Variants in FGF13 observed in about 807,000 individuals in gnomAD.
FGF13 encodes fibroblast growth factor 13.
Under a neutral mutation model 19.5 loss-of-function variants are expected in FGF13, and 2 were observed. That is an observed-to-expected ratio of 0.10 (90% CI 0.04 to 0.32). The LOEUF is 0.32. Ranked by LOEUF, FGF13 falls within the 10% of genes least tolerant of loss-of-function variation. FGF13 has a pLI of 1.00. For synonymous variants in FGF13, 72 were observed against 76.9 expected (o/e 0.94, Z 0.33); for missense variants, 113 against 192.7 (o/e 0.59, Z 2.45).
At position 138,926,922 on chromosome X, in the gene FGF13, C is replaced by G. The variant is rs766135551; in HGVS notation, c.-112-62272G>C. Among the ~76,000 whole-genome samples the G allele has an allele frequency of 5.1e-3, 566 of 111,569 alleles. 2 individuals carry two copies. The highest frequency in any genetic ancestry group is 8.0e-3 in the Non-Finnish European group (425 of 53,116). On this transcript the variant is annotated intron_variant, in intron 1 of 2. Transcript: ENST00000421460. The stretch of plus-strand genomic sequence containing the variant: ...AGTGAGCTGAGATCACGCCACTGCA[C>G]TCCAGCCTGGGCGACAAAGCAAGAC...
chrX:139,151,614 G>A (rs183358261), intron 1 of FGF13, among the ~76,000 whole-genome samples: 6 of 111,153 alleles, frequency 5.4e-5, no homozygotes, highest in Middle Eastern at 4.7e-3. Flanking sequence ...CTTTACTTTC[G>A]CCGGAAAAAG....
intron 3 of FGF13, among the ~76,000 whole-genome samples, chrX:138,645,870 A>G (rs1442189945): frequency 2.7e-5 from 3 of 112,113 alleles, no homozygotes; most frequent in Non-Finnish European, 5.6e-5. Flanking sequence ...TAATACTAGA[A>G]TTACTATAAT....
At chrX:138,891,490 G>A (rs1438774269) in intron 1 of FGF13, among the ~76,000 whole-genome samples, 2 of 110,847 alleles carry the variant, frequency 1.8e-5, no homozygotes, top group Non-Finnish European at 3.8e-5. Context: ...CACCCCTCAT[G>A]AACTCATCTA....
In FGF13 at chrX:139,144,862, A is replaced by G. The variant is rs967360696; in HGVS notation, c.-113+58554T>C. On this transcript the variant is annotated intron_variant, in intron 1 of 2. Transcript: ENST00000421460. ...TGTCAATATATATTGAATTATAAAT[A>G]AAAACAAAAAATTTTTAAATATTCA... Among the ~76,000 whole-genome samples, 3 of 108,656 alleles carry G rather than the reference A, an allele frequency of 2.8e-5. No individual in the cohort carries two copies. The Admixed American group carries it at 2.9e-4, about 10-fold the overall frequency. 94.4% of individuals were successfully genotyped at this position (108,656 alleles called of 115,157 possible). A position where few individuals can be genotyped will look rare whatever the true frequency, so the allele number is the denominator to read the frequency against.
chrX:138,923,086 C>G lies in FGF13; in HGVS notation c.-112-58436G>C, dbSNP rs138103007. On this transcript the variant is annotated intron_variant, in intron 1 of 2. Transcript: ENST00000421460. Reference sequence around the variant, plus strand: ...ATTTTGCAAGCATAATGTCCCAGGACTTTGAAATAAAAATACATTTCTATC... The same window carrying G: ...ATTTTGCAAGCATAATGTCCCAGGAGTTTGAAATAAAAATACATTTCTATC... Among the ~76,000 whole-genome samples the G allele has an allele frequency of 1.8e-3, 203 of 112,367 alleles. 1 individual carries two copies. In the South Asian group the frequency reaches 0.028, roughly 15 times the overall value.
At chrX:138,706,426 T>C (rs1486893044) in intron 2 of FGF13, among the ~76,000 whole-genome samples, 2 of 112,046 alleles carry the variant, frequency 1.8e-5, no homozygotes, top group Non-Finnish European at 3.8e-5. Flanking sequence ...TTTTCAGAAA[T>C]GGATATATCT....
intron 1 of FGF13, among the ~76,000 whole-genome samples, chrX:139,182,053 G>GTAA (rs57843641): frequency 2.7e-5 from 3 of 109,599 alleles, no homozygotes; most frequent in Admixed American, 9.7e-5. Flanking sequence ...AAGAACTTAA[G>GTAA]TAATAATAAT....
intron 1 of FGF13, among the ~76,000 whole-genome samples, chrX:138,972,852 A>C (rs2091924439): frequency 9.0e-6 from 1 of 110,549 alleles, no homozygotes; most frequent in Admixed American, 9.6e-5. Context: ...TTTTAAATCA[A>C]GTTTTATTTT....
intron 1 of FGF13, among the ~76,000 whole-genome samples, chrX:139,131,383 GT>G (rs1569456235): frequency 0.15 from 140 of 927 alleles, no homozygotes; most frequent in Admixed American, 0.37. Flanking sequence ...ATATAGAGGG[GT>G]GTGTGTGTGT....
chrX:138,743,960 G>T (rs1208034123), upstream of FGF13, among the ~76,000 whole-genome samples: 1 of 110,771 alleles, frequency 9.0e-6, no homozygotes, highest in East Asian at 2.9e-4. Context: ...GAGCTTTCAA[G>T]ATTTTGTGTT....
chrX:138,650,596 T>C (rs1452066167), intron 3 of FGF13, among the ~76,000 whole-genome samples: 2 of 111,799 alleles, frequency 1.8e-5, no homozygotes, highest in Non-Finnish European at 3.8e-5. Flanking sequence ...ATATAAGATA[T>C]TAAGATTCAA....
intron 1 of FGF13, among the ~76,000 whole-genome samples, chrX:139,120,549 C>T: frequency 8.9e-6 from 1 of 111,997 alleles, no homozygotes; most frequent in African/African-American, 3.2e-5. Flanking sequence ...TGGTCTTAAC[C>T]TCTACACTAT....
intron 1 of FGF13, among the ~76,000 whole-genome samples, chrX:139,172,402 G>A (rs1325512755): frequency 2.7e-5 from 3 of 111,152 alleles, no homozygotes; most frequent in East Asian, 2.8e-4. Context: ...TGGGGCTTGC[G>A]TCCAAACTCC....
intron 1 of FGF13, among the ~76,000 whole-genome samples, chrX:138,879,762 T>A (rs1171044854): frequency 9.2e-6 from 1 of 108,423 alleles, no homozygotes; most frequent in Admixed American, 1.0e-4. Context: ...ATTCAGCACA[T>A]AGGCATGGGC....
intron 3 of FGF13, among the ~76,000 whole-genome samples, chrX:138,663,950 C>A (rs1373281416): frequency 9.0e-6 from 1 of 111,707 alleles, no homozygotes; most frequent in African/African-American, 3.3e-5. Flanking sequence ...GAAAGTCTCA[C>A]AGCATCTTCT....
intron 3 of FGF13, among the ~76,000 whole-genome samples, chrX:138,810,937 A>G (rs1322053285): frequency 1.8e-5 from 2 of 111,881 alleles, no homozygotes; most frequent in East Asian, 5.7e-4. Context: ...TTAAAAAGTC[A>G]GGAAACAACA....
upstream of FGF13, among the ~76,000 whole-genome samples, chrX:138,711,828 A>G (rs1924599500): frequency 4.3e-5 from 1 of 23,500 alleles, no homozygotes; most frequent in African/African-American, 1.6e-4. Context: ...CACCCCCCCA[A>G]GTCCCCGGCC....
intron 3 of FGF13, among the ~76,000 whole-genome samples, chrX:138,665,057 G>C (rs1169952309): frequency 9.0e-6 from 1 of 110,916 alleles, no homozygotes; most frequent in South Asian, 3.9e-4. Flanking sequence ...CAGTGACCTA[G>C]AGTTTGCTCC....
chrX:139,183,243 T>G (rs1391819379), intron 1 of FGF13, among the ~76,000 whole-genome samples: 3 of 112,088 alleles, frequency 2.7e-5, no homozygotes, highest in African/African-American at 3.2e-5. Context: ...GCAATAATTT[T>G]TCACATTAGG....
Sources: allele counts gnomAD v4.1 joint callset (sites outside exome capture counted in the v4.1 genomes callset), GRCh38; gene constraint gnomAD v4.1.1; transcripts MANE v1.5; gene names NCBI Gene and HGNC (gene_info 2026-07-23, HGNC 2026-07-21).